CCSER1: variants seen among roughly 807,000 people sequenced by gnomAD.
CCSER1 encodes coiled-coil serine rich protein 1.
A neutral mutation model predicts 82.0 loss-of-function variants in CCSER1; 41 were observed. The ratio of observed to expected loss-of-function variants is 0.50; its 90% CI spans 0.39 to 0.65. The LOEUF (loss-of-function observed/expected upper bound fraction) is 0.65, where lower values mean the gene tolerates loss of function less well. CCSER1 is among the 30% of genes least tolerant of loss of function. The pLI, the probability that CCSER1 is intolerant of heterozygous loss-of-function variation, is 0.00. For synonymous variants in CCSER1, 414 were observed against 383.9 expected (o/e 1.08, Z -0.92); for missense variants, 1,119 against 1,064.2 (o/e 1.05, Z -0.72).
intron 10 of CCSER1, among the ~76,000 whole-genome samples, chr4:91,440,827 C>G (rs1020922875): frequency 6.6e-5 from 10 of 152,190 alleles, no homozygotes; most frequent in South Asian, 4.1e-4. Context: ...TACCATCAGA[C>G]AATACTACAA....
chr4:91,374,963 C>CATTCCAGCCTGGG (rs1462431906), intron 10 of CCSER1, among the ~76,000 whole-genome samples: 1 of 152,126 alleles, frequency 6.6e-6, no homozygotes, highest in Non-Finnish European at 1.5e-5. Flanking sequence ...CTCATCACTG[C>CATTCCAGCCTGGG]ATTCCAGCCT....
chr4:90,818,717 C>G (rs971829139), intron 8 of CCSER1, among the ~76,000 whole-genome samples: 1 of 152,206 alleles, frequency 6.6e-6, no homozygotes, highest in Admixed American at 6.5e-5. Context: ...CCTAGCCTCT[C>G]TCCTCTAGAT....
At chr4:91,111,336 G>A (rs17018034) in intron 10 of CCSER1, among the ~76,000 whole-genome samples, 15,160 of 151,976 alleles carry the variant, frequency 0.1, 981 homozygotes, top group East Asian at 0.27. Context: ...CTGATTGCCT[G>A]AAGTTATGTA....
At chr4:90,762,714 AT>A in intron 7 of CCSER1, among the ~76,000 whole-genome samples, 1 of 152,284 alleles carries the variant, frequency 6.6e-6, no homozygotes. Flanking sequence ...TTTTTGTTTG[AT>A]ATGAAAAAAT....
intron 9 of CCSER1, among the ~76,000 whole-genome samples, chr4:90,988,351 A>T (rs1265570308): frequency 2.0e-5 from 3 of 147,000 alleles, no homozygotes; most frequent in African/African-American, 7.6e-5. Flanking sequence ...AAAAAAAAAA[A>T]AAAAAAAAAA....
rs186051681 is a variant in CCSER1, at chr4:90,843,056, T to C, written c.2094+27211T>C. 3.2e-3 allele frequency among the ~76,000 whole-genome samples: 489 copies of C among 152,286 alleles called. 3 individuals are homozygous for C. Among genetic ancestry groups the C allele is most frequent in the African/African-American group, 0.011 (465 of 41,568 alleles). ...AAAAGAGTCAGCACAGGTTAATAAA[T>C]AACCCTTAAGAGCTGCACTGGATGG... On this transcript the variant is annotated intron_variant, in intron 8 of 10. Coordinates refer to ENST00000509176, the MANE Select transcript of CCSER1 (RefSeq NM_001145065.2).
chr4:90,304,445 A>C (rs530162840), intron 1 of CCSER1, among the ~76,000 whole-genome samples: 5 of 152,360 alleles, frequency 3.3e-5, no homozygotes, highest in Non-Finnish European at 7.4e-5. Flanking sequence ...TGGCACATAT[A>C]CACCATGGAA....
intron 7 of CCSER1, among the ~76,000 whole-genome samples, chr4:90,742,451 A>C (rs1490358054): frequency 6.6e-6 from 1 of 152,162 alleles, no homozygotes; most frequent in Non-Finnish European, 1.5e-5. Flanking sequence ...CTCAGTATAA[A>C]GCCCTTATGA....
Position 91,013,980 on chromosome 4 carries a change from C to T in CCSER1, c.2173-71970C>T, listed in dbSNP as rs1192417409. 2.3e-5 allele frequency among the ~76,000 whole-genome samples: 3 copies of T among 131,494 alleles called. 1 individual carries two copies. The highest frequency in any genetic ancestry group is 7.7e-5 in the Admixed American group (1 of 13,008). 86.3% of individuals were successfully genotyped at this position (131,494 alleles called of 152,430 possible). ...TTGTTTTGTATTTCTGAAAAAAATG[C>T]CAAGGGATTTTCATAGGAATTGTGA... On this transcript the variant is annotated intron_variant, in intron 9 of 10. Coordinates refer to ENST00000509176, the MANE Select transcript of CCSER1 (RefSeq NM_001145065.2).
At chr4:91,177,925 C>T (rs1291377963) in intron 10 of CCSER1, among the ~76,000 whole-genome samples, 2 of 152,138 alleles carry the variant, frequency 1.3e-5, no homozygotes, top group Non-Finnish European at 2.9e-5. Context: ...TTAGATCTTT[C>T]CTGCCTTCTG....
In CCSER1 at chr4:91,139,431, CATATT is replaced by C. The variant is rs376458969; in HGVS notation, c.2217+53439_2217+53443del. 5.9e-3 allele frequency among the ~76,000 whole-genome samples: 903 copies of C among 152,186 alleles called. 6 individuals are homozygous for C. The highest frequency in any genetic ancestry group is 0.02 in the African/African-American group (847 of 41,538). On this transcript the variant is annotated intron_variant, in intron 10 of 10. Coordinates refer to ENST00000509176, the MANE Select transcript of CCSER1 (RefSeq NM_001145065.2). ...CATTTTTCTCAATTTATAAAAGAAT[CATATT>C]AGAATAAGAGGCTTTATTATTTCTA...
chr4:91,367,434 CTTTT>C (rs70965489), intron 10 of CCSER1, among the ~76,000 whole-genome samples: 3 of 142,034 alleles, frequency 2.1e-5, no homozygotes, highest in Admixed American at 7.1e-5. Context: ...TGATTTCTTT[CTTTT>C]TTTTTTTTTT....
intron 5 of CCSER1, among the ~76,000 whole-genome samples, chr4:90,622,620 T>A (rs987613194): frequency 7.2e-5 from 11 of 152,188 alleles, no homozygotes; most frequent in African/African-American, 2.7e-4. Flanking sequence ...GGCTGCATAG[T>A]ATTCCATGGT....
At chr4:90,217,083 A>G (rs1447250318) in intron 1 of CCSER1, among the ~76,000 whole-genome samples, 1 of 151,920 alleles carries the variant, frequency 6.6e-6, no homozygotes, top group African/African-American at 2.4e-5. Context: ...TTTGACTTGG[A>G]TGTTATTGGT....
At chr4:90,808,856 C>T (rs1017351112) in intron 7 of CCSER1, among the ~76,000 whole-genome samples, 6 of 152,104 alleles carry the variant, frequency 3.9e-5, no homozygotes, top group African/African-American at 1.4e-4. Context: ...CTAAAAGTAC[C>T]TCTATTATTA....
At chr4:90,271,636 C>T (rs571162874) in intron 1 of CCSER1, among the ~76,000 whole-genome samples, 64 of 151,074 alleles carry the variant, frequency 4.2e-4, no homozygotes, top group Non-Finnish European at 6.9e-4. Flanking sequence ...CAAAAGTGGA[C>T]GAATGAGATC....
intron 10 of CCSER1, among the ~76,000 whole-genome samples, chr4:91,170,324 G>A (rs924551368): frequency 2.0e-5 from 3 of 152,094 alleles, no homozygotes; most frequent in East Asian, 1.9e-4. Context: ...ACAGATGCAT[G>A]ATAAATCATG....
intron 9 of CCSER1, among the ~76,000 whole-genome samples, chr4:91,055,738 C>G (rs576012403): frequency 1.3e-3 from 193 of 151,192 alleles, no homozygotes; most frequent in South Asian, 4.4e-3. Context: ...TTCCCTTCCC[C>G]TCTGCCCCTC....
chr4:90,544,725 T>C (rs960327141), intron 5 of CCSER1, among the ~76,000 whole-genome samples: 3 of 151,976 alleles, frequency 2.0e-5, no homozygotes, highest in African/African-American at 4.8e-5. Context: ...ATTGTTAGAG[T>C]ATCTGGTATG....
Sources: gnomAD v4.1 joint callset for allele counts (sites outside exome capture counted in the v4.1 genomes callset) on GRCh38, gnomAD v4.1.1 for gene constraint, MANE v1.5 for transcripts, NCBI Gene and HGNC (gene_info 2026-07-23, HGNC 2026-07-21) for gene names.